EDIL3: variants seen among roughly 807,000 people sequenced by gnomAD.
EDIL3 encodes the protein EGF-like repeat and discoidin I-like domain-containing protein 3.
A neutral mutation model predicts 67.4 loss-of-function variants in EDIL3; 37 were observed. The ratio of observed to expected loss-of-function variants is 0.55; its 90% confidence interval spans 0.42 to 0.72. The LOEUF (loss-of-function observed/expected upper bound fraction) is 0.72, where lower values mean the gene tolerates loss of function less well. EDIL3 is among the 30% of genes least tolerant of loss of function. EDIL3 has a pLI of 0.00. For synonymous variants in EDIL3, 195 were observed against 196.3 expected (o/e 0.99, Z 0.05); for missense variants, 527 against 586.3 (o/e 0.90, Z 1.04).
intron 3 of EDIL3, among the ~76,000 whole-genome samples, chr5:84,222,688 G>T (rs531798390): frequency 6.6e-6 from 1 of 151,930 alleles, no homozygotes; most frequent in South Asian, 2.1e-4. Context: ...CCTAACATGT[G>T]TGAGATGCCA....
At chr5:83,986,965 C>G (rs1015936840) in intron 9 of EDIL3, among the ~76,000 whole-genome samples, 1 of 151,976 alleles carries the variant, frequency 6.6e-6, no homozygotes, top group East Asian at 1.9e-4. Flanking sequence ...TTCTTAGTAA[C>G]GAGCCATGAT....
At chr5:84,304,631 G>A (rs1746228318) in intron 1 of EDIL3, among the ~76,000 whole-genome samples, 1 of 152,126 alleles carries the variant, frequency 6.6e-6, no homozygotes. Context: ...TATATGAGGT[G>A]AAATTATGTT....
intron 3 of EDIL3, among the ~76,000 whole-genome samples, chr5:84,199,842 GTGGTATA>G (rs905209578): frequency 4.6e-5 from 7 of 152,040 alleles, no homozygotes; most frequent in African/African-American, 1.4e-4. Flanking sequence ...TCCATCAGCA[GTGGTATA>G]TGGAGGAAAG....
At chr5:84,081,861 C>G (rs1334377779) in intron 6 of EDIL3, among the ~76,000 whole-genome samples, 2 of 134,490 alleles carry the variant, frequency 1.5e-5, no homozygotes, top group Non-Finnish European at 3.2e-5. Context: ...TAAGAGCTGA[C>G]CCAGGCATGA....
At chr5:84,361,270 A>AACACACAC (rs10553087) in intron 1 of EDIL3, among the ~76,000 whole-genome samples, 4,187 of 147,470 alleles carry the variant, frequency 0.028, 95 homozygotes, top group Admixed American at 0.064. Flanking sequence ...AGGTCATTAC[A>AACACACAC]ACACACACAC....
chr5:84,305,618 G>A (rs1049198098), intron 1 of EDIL3, among the ~76,000 whole-genome samples: 1 of 152,188 alleles, frequency 6.6e-6, no homozygotes, highest in African/African-American at 2.4e-5. Context: ...GGTGGCTCAC[G>A]CCTGTAATCC....
intron 4 of EDIL3, among the ~76,000 whole-genome samples, chr5:84,165,285 C>T (rs900825603): frequency 1.3e-5 from 2 of 152,194 alleles, no homozygotes; most frequent in Admixed American, 6.6e-5. Flanking sequence ...CTTTCTTTTA[C>T]CAGATGATGT....
chr5:84,245,241 G>A (rs1415283788), intron 2 of EDIL3, among the ~76,000 whole-genome samples: 2 of 152,044 alleles, frequency 1.3e-5, no homozygotes, highest in Non-Finnish European at 2.9e-5. Flanking sequence ...GAAAATTAAA[G>A]GAGATATAAT....
At chr5:84,245,931 AAAT>A (rs75649734) in intron 2 of EDIL3, among the ~76,000 whole-genome samples, 3 of 151,400 alleles carry the variant, frequency 2.0e-5, no homozygotes, top group African/African-American at 7.2e-5. Context: ...AAAAAAAAAA[AAAT>A]CTAAGTTTTT....
intron 10 of EDIL3, among the ~76,000 whole-genome samples, chr5:83,959,133 CAT>C (rs1744563456): frequency 2.0e-5 from 3 of 149,920 alleles, no homozygotes; most frequent in Admixed American, 6.7e-5. Context: ...TGACTTTTGG[CAT>C]GTGTGTGTAC....
intron 5 of EDIL3, among the ~76,000 whole-genome samples, chr5:84,133,796 TAATA>T (rs531324945): frequency 9.9e-5 from 15 of 151,882 alleles, no homozygotes; most frequent in South Asian, 4.1e-4. Flanking sequence ...CCAAACCTTG[TAATA>T]AATAAATAAA....
chr5:84,126,989 G>C (rs1747880195), intron 5 of EDIL3, among the ~76,000 whole-genome samples: 1 of 151,974 alleles, frequency 6.6e-6, no homozygotes, highest in South Asian at 2.1e-4. Context: ...TGTCATTTCG[G>C]GGATGTTTAA....
At chr5:83,960,375 A>G (rs1314049210) in intron 10 of EDIL3, among the ~76,000 whole-genome samples, 1 of 151,140 alleles carries the variant, frequency 6.6e-6, no homozygotes, top group Non-Finnish European at 1.5e-5. Context: ...CTTGCCTAGT[A>G]GAGTCTATTT....
At chr5:84,291,660 CTA>C (rs561500682) in intron 1 of EDIL3, among the ~76,000 whole-genome samples, 15 of 141,012 alleles carry the variant, frequency 1.1e-4, no homozygotes, top group South Asian at 2.2e-4. Context: ...ATCTATATAT[CTA>C]TATATATATC....
At position 84,037,988 on chromosome 5, in the gene EDIL3, GTTTTTTTTT is replaced by G. The variant is rs67762520; in HGVS notation, c.1137+22303_1137+22311del. On this transcript the variant is annotated intron_variant, in intron 9 of 10. Transcript: ENST00000296591. ...TTCTCTTTTCTTTTCTTTCTTTCTT[GTTTTTTTTT>G]TTTTTTTTTTTTTTGAGACAGGGTC... is the stretch of plus-strand genomic sequence containing the variant. 1.0e-3 allele frequency among the ~76,000 whole-genome samples: 104 copies of G among 99,690 alleles called. No individual in the cohort carries two copies. The East Asian group carries it at 0.019, about 18-fold the overall frequency. 65.4% of individuals were successfully genotyped at this position (99,690 alleles called of 152,430 possible).
In EDIL3 at chr5:84,207,290, T is replaced by A. The variant is rs567941463; in HGVS notation, c.226+22565A>T. On this transcript the variant is annotated intron_variant, in intron 3 of 10. Transcript: ENST00000296591. ...GAGCCAAATGATGAGTGAACTCCCA[T>A]TCACAATTACTTCAAAGAGAATAAA... Among the ~76,000 whole-genome samples, 5 of 152,242 alleles carry A rather than the reference T, an allele frequency of 3.3e-5. No homozygotes were observed. In the East Asian group the frequency reaches 9.7e-4, roughly 29 times the overall value.
chr5:84,059,358 G>A (rs960384658), intron 9 of EDIL3, among the ~76,000 whole-genome samples: 1 of 152,144 alleles, frequency 6.6e-6, no homozygotes, highest in African/African-American at 2.4e-5. Flanking sequence ...AGCTATGATT[G>A]CACTACTGCT....
chr5:83,980,120 G>A (rs527738955), intron 9 of EDIL3, among the ~76,000 whole-genome samples: 6 of 152,216 alleles, frequency 3.9e-5, no homozygotes, highest in African/African-American at 1.4e-4. Context: ...GTTTTCTGGT[G>A]AAACTGTAGT....
At chr5:84,376,923 A>G (rs1407437946) in intron 1 of EDIL3, among the ~76,000 whole-genome samples, 1 of 152,244 alleles carries the variant, frequency 6.6e-6, no homozygotes, top group Non-Finnish European at 1.5e-5. Context: ...CATTCCAGAA[A>G]AGTTAGCGTT....
Sources: gnomAD v4.1 joint callset for allele counts (sites outside exome capture counted in the v4.1 genomes callset) on GRCh38, gnomAD v4.1.1 for gene constraint, MANE v1.5 for transcripts, NCBI Gene and HGNC (gene_info 2026-07-23, HGNC 2026-07-21) for gene names.